The following ABHD17C variants were observed in gnomAD, a reference collection of about 807,000 sequenced individuals.
The protein encoded by ABHD17C is abhydrolase domain containing 17C, depalmitoylase.
In ABHD17C, 11 loss-of-function variants were observed where a neutral mutation model predicts 27.9. The ratio of observed to expected loss-of-function variants is 0.39; its 90% CI spans 0.25 to 0.65. The LOEUF is 0.65. Ranked by LOEUF, ABHD17C falls within the 30% of genes least tolerant of loss-of-function variation. The pLI is 0.45. For synonymous variants in ABHD17C, 233 were observed against 209.1 expected, an observed-to-expected ratio of 1.11 and a Z score of -0.98; for missense variants, 280 against 470.2, an observed-to-expected ratio of 0.60 and a Z score of 3.74.
At chr15:80,723,136 A>ATGTGTGTGTGTG (rs1323977699) in intron 1 of ABHD17C, among the ~76,000 whole-genome samples, 23 of 92,430 alleles carry the variant, frequency 2.5e-4, no homozygotes, top group African/African-American at 6.5e-4. Context: ...GTGTGTGTAT[A>ATGTGTGTGTGTG]TATGTGTGTG....
chr15:80,735,971 T>C (rs542092831), intron 1 of ABHD17C, among the ~76,000 whole-genome samples: 1 of 152,316 alleles, frequency 6.6e-6, no homozygotes, highest in African/African-American at 2.4e-5. Context: ...ATGTTTTCTT[T>C]TATAACCACT....
chr15:80,698,789 C>T (rs149557543), intron 1 of ABHD17C, among the ~76,000 whole-genome samples: 208 of 152,376 alleles, frequency 1.4e-3, no homozygotes, highest in Non-Finnish European at 1.3e-3. Flanking sequence ...GTCCATTCTT[C>T]TGTTACTGGG....
At chr15:80,738,673 A>G (rs1006105854) in intron 1 of ABHD17C, among the ~76,000 whole-genome samples, 2 of 152,172 alleles carry the variant, frequency 1.3e-5, no homozygotes, top group Non-Finnish European at 2.9e-5. Context: ...CATGAGATAT[A>G]GGGCATGGTG....
intron 2 of ABHD17C, among the ~76,000 whole-genome samples, chr15:80,753,046 G>T (rs569607637): frequency 2.0e-5 from 3 of 152,160 alleles, no homozygotes; most frequent in African/African-American, 7.2e-5. Flanking sequence ...ATGAAATGGG[G>T]TGTGTATCTT....
At chr15:80,737,666 GAA>G (rs932320386) in intron 1 of ABHD17C, among the ~76,000 whole-genome samples, 6 of 152,200 alleles carry the variant, frequency 3.9e-5, no homozygotes, top group Admixed American at 1.3e-4. Flanking sequence ...GCTCAGGAAA[GAA>G]AATTATGTCT....
At chr15:80,739,724 A>G (rs1273306843) in intron 1 of ABHD17C, among the ~76,000 whole-genome samples, 6 of 152,218 alleles carry the variant, frequency 3.9e-5, no homozygotes, top group Non-Finnish European at 8.8e-5. Flanking sequence ...CTGCAGAACC[A>G]TGAGCCAAAT....
chr15:80,739,145 G>T (rs974751694), intron 1 of ABHD17C, among the ~76,000 whole-genome samples: 4 of 152,204 alleles, frequency 2.6e-5, no homozygotes, highest in South Asian at 2.1e-4. Flanking sequence ...ATGACATGAT[G>T]TAGTCAACAG....
rs1895420564 is a variant in ABHD17C at position 80,755,504 on chromosome 15, A to G, written c.*1134A>G. ...TTTTTTCCACATTTAAAAGCCTTAA[A>G]TGTACTGTAAGCCTCAGATCGTTGT... On this transcript the variant is annotated 3_prime_UTR_variant, in exon 3 of 3. Transcript: ENST00000258884. 1 of 152,114 alleles carries G rather than the reference A, an allele frequency of 6.6e-6. No homozygotes were observed. The highest frequency in any genetic ancestry group is 6.5e-5 in the Admixed American group (1 of 15,272). The allele number at this position is 152,114 out of a possible 1,614,324, so 9.4% of individuals were successfully genotyped here.
chr15:80,731,483 A>C (rs1895056020), intron 1 of ABHD17C, among the ~76,000 whole-genome samples: 1 of 152,148 alleles, frequency 6.6e-6, no homozygotes, highest in Non-Finnish European at 1.5e-5. Context: ...ATCATGTTTA[A>C]ATAAAAGAGT....
At chr15:80,724,761 C>T (rs920793374) in intron 1 of ABHD17C, among the ~76,000 whole-genome samples, 4 of 152,102 alleles carry the variant, frequency 2.6e-5, no homozygotes, top group Non-Finnish European at 4.4e-5. Flanking sequence ...TCCCCCTCCT[C>T]CTCCTTCTCC....
intron 1 of ABHD17C, chr15:80,705,084 C>T (rs1894626619): frequency 6.6e-6 from 1 of 152,624 alleles, no homozygotes; most frequent in African/African-American, 2.4e-5. Flanking sequence ...TCAGCCCAGG[C>T]ATCAGGTGAA....
intron 1 of ABHD17C, among the ~76,000 whole-genome samples, chr15:80,712,923 A>G (rs1596062332): frequency 1.3e-5 from 2 of 152,290 alleles, no homozygotes; most frequent in East Asian, 3.9e-4. Flanking sequence ...ACAAAACTTT[A>G]TAATGGAAAA....
chr15:80,740,589 C>T lies in ABHD17C; in HGVS notation c.591-8924C>T, dbSNP rs146571960. 1.8e-4 allele frequency among the ~76,000 whole-genome samples: 28 copies of T among 152,192 alleles called. No homozygotes were observed. The East Asian group carries it at 4.3e-3, about 23-fold the overall frequency. On this transcript the variant is annotated intron_variant, in intron 1 of 2. Transcript: ENST00000258884. ...GACTGTGCTCAGGTACAGAGACATA[C>T]GGATCAGAATTCTGGCCTGGAAGAA...
chr15:80,712,421 G>T (rs1397777314), intron 1 of ABHD17C, among the ~76,000 whole-genome samples: 1 of 152,204 alleles, frequency 6.6e-6, no homozygotes, highest in Admixed American at 6.5e-5. Flanking sequence ...TGAATGTGTA[G>T]CCCAGCCAAG....
intron 1 of ABHD17C, among the ~76,000 whole-genome samples, chr15:80,710,453 T>G (rs991627110): frequency 6.6e-6 from 1 of 152,132 alleles, no homozygotes; most frequent in Non-Finnish European, 1.5e-5. Context: ...GATCACTCTG[T>G]GTTAATGACA....
chr15:80,696,042 G>T (rs1256718775), intron 1 of ABHD17C, 23 bp downstream of exon 1: 4 of 1,533,884 alleles, frequency 2.6e-6, no homozygotes, highest in Non-Finnish European at 2.6e-6. Flanking sequence ...GGGTCGCCAG[G>T]CCTGACTTCC....
At chr15:80,735,180 C>G (rs1895112487) in intron 1 of ABHD17C, among the ~76,000 whole-genome samples, 1 of 152,164 alleles carries the variant, frequency 6.6e-6, no homozygotes, top group Non-Finnish European at 1.5e-5. Context: ...GAAGATTTTT[C>G]TTTGTAATTA....
At position 80,723,138 on chromosome 15, in the gene ABHD17C, A is replaced by ATATGTG. The variant is rs58011508; in HGVS notation, c.591-26374_591-26373insATGTGT. On this transcript the variant is annotated intron_variant, in intron 1 of 2. Transcript: ENST00000258884. ...TTCCATTGTTTGTGTGTGTGTATAT[A>ATATGTG]TGTGTGTGTGTGTGTGTGTGTGTGT... Among the ~76,000 whole-genome samples the ATATGTG allele has an allele frequency of 4.2e-3, 519 of 125,022 alleles. 3 individuals are homozygous for ATATGTG. The highest frequency in any genetic ancestry group is 7.0e-3 in the Non-Finnish European group (444 of 63,874). 82.0% of individuals were successfully genotyped at this position (125,022 alleles called of 152,430 possible). A position where few individuals can be genotyped will look rare whatever the true frequency, so the allele number is the denominator to read the frequency against.
intron 1 of ABHD17C, among the ~76,000 whole-genome samples, chr15:80,699,178 A>T (rs1382579162): frequency 1.3e-5 from 2 of 152,102 alleles, no homozygotes; most frequent in Non-Finnish European, 2.9e-5. Context: ...CTGTTATTTA[A>T]CTGTATCTCC....
Sources: gnomAD v4.1 joint callset for allele counts (sites outside exome capture counted in the v4.1 genomes callset) on GRCh38, gnomAD v4.1.1 for gene constraint, MANE v1.5 for transcripts, NCBI Gene and HGNC (gene_info 2026-07-23, HGNC 2026-07-21) for gene names.